Variants in EDA observed in about 807,000 individuals in gnomAD.
EDA encodes the protein ectodysplasin A, also known as ectodysplasin-A.
A neutral mutation model predicts 23.6 loss-of-function variants in EDA; 2 were observed. That is an observed-to-expected ratio of 0.08 (90% CI 0.03 to 0.27). The LOEUF is 0.27. Ranked by LOEUF, EDA falls within the 10% of genes least tolerant of loss-of-function variation. The probability of loss-of-function intolerance (pLI) is 1.00; values close to 1 mark genes in which losing one functional copy is unlikely to be tolerated. For missense variants in EDA, 229 were observed against 324.2 expected (o/e 0.71, Z 2.26); for synonymous variants, 131 against 132.0 (o/e 0.99, Z 0.05).
At chrX:70,028,978 A>G (rs967695984) in intron 4 of EDA, among the ~76,000 whole-genome samples, 3 of 112,437 alleles carry the variant, frequency 2.7e-5, no homozygotes, top group Non-Finnish European at 5.6e-5. Flanking sequence ...CAAGAGATGG[A>G]GTTAGAGATT....
chrX:69,781,112 T>A (rs1036856514), intron 1 of EDA, among the ~76,000 whole-genome samples: 1 of 111,999 alleles, frequency 8.9e-6, no homozygotes, highest in Admixed American at 9.5e-5. Flanking sequence ...GTCCATTGTA[T>A]GAAAATACAA....
intron 1 of EDA, among the ~76,000 whole-genome samples, chrX:69,712,067 G>A: frequency 9.0e-6 from 1 of 110,771 alleles, no homozygotes. Context: ...TGCTTCTCTA[G>A]TTCTTTTAAT....
intron 1 of EDA, among the ~76,000 whole-genome samples, chrX:69,755,050 C>T (rs1211820117): frequency 8.9e-6 from 1 of 112,282 alleles, no homozygotes; most frequent in Non-Finnish European, 1.9e-5. Context: ...CTGAAGCCTT[C>T]TTCTCTCAAC....
At chrX:69,796,243 T>G (rs1403994635) in intron 1 of EDA, among the ~76,000 whole-genome samples, 1 of 111,617 alleles carries the variant, frequency 9.0e-6, no homozygotes, top group Non-Finnish European at 1.9e-5. Flanking sequence ...TACCAACTAC[T>G]AACATCTGAG....
At chrX:69,660,143 AT>A in intron 1 of EDA, among the ~76,000 whole-genome samples, 1 of 111,095 alleles carries the variant, frequency 9.0e-6, no homozygotes, top group Non-Finnish European at 1.9e-5. Context: ...TTTGAAAAAC[AT>A]TTTAGTAAGT....
At chrX:69,889,448 C>A (rs1255929674) in intron 1 of EDA, among the ~76,000 whole-genome samples, 3 of 111,180 alleles carry the variant, frequency 2.7e-5, no homozygotes, top group Non-Finnish European at 3.8e-5. Flanking sequence ...CCACGCCTGG[C>A]CTTCTGGTTT....
intron 1 of EDA, among the ~76,000 whole-genome samples, chrX:69,891,859 G>T (rs933758574): frequency 9.0e-6 from 1 of 110,882 alleles, no homozygotes; most frequent in Non-Finnish European, 1.9e-5. Context: ...GCAAACCACC[G>T]TGGCACACGT....
intron 1 of EDA, among the ~76,000 whole-genome samples, chrX:69,810,089 G>A (rs936639699): frequency 9.6e-6 from 1 of 104,274 alleles, no homozygotes; most frequent in Non-Finnish European, 2.0e-5. Context: ...GTGAAATCCC[G>A]TCTCAACTAA....
intron 1 of EDA, among the ~76,000 whole-genome samples, chrX:69,719,582 A>G (rs1425950779): frequency 9.0e-6 from 1 of 111,056 alleles, no homozygotes; most frequent in Non-Finnish European, 1.9e-5. Context: ...ACTTCCACTT[A>G]TAAGTGAGAA....
At chrX:69,825,582 T>C (rs1195541405) in intron 1 of EDA, among the ~76,000 whole-genome samples, 1 of 112,327 alleles carries the variant, frequency 8.9e-6, no homozygotes, top group Admixed American at 9.4e-5. Flanking sequence ...ATTTGATTCT[T>C]CTCTCTTTTT....
intron 1 of EDA, among the ~76,000 whole-genome samples, chrX:69,782,183 T>A (rs1243459559): frequency 9.2e-6 from 1 of 109,142 alleles, no homozygotes; most frequent in Non-Finnish European, 1.9e-5. Flanking sequence ...AAAGCTGGTA[T>A]CAAGATCTTA....
chrX:69,684,046 C>A (rs932317548), intron 1 of EDA, among the ~76,000 whole-genome samples: 1 of 112,019 alleles, frequency 8.9e-6, no homozygotes, highest in Admixed American at 9.5e-5. Flanking sequence ...CACCTAAGAA[C>A]TCAGATGAAA....
chrX:69,703,965 G>A (rs2011615865), intron 1 of EDA, among the ~76,000 whole-genome samples: 1 of 112,163 alleles, frequency 8.9e-6, no homozygotes, highest in Non-Finnish European at 1.9e-5. Context: ...TGTATGTATA[G>A]ATAACAACAT....
intron 1 of EDA, among the ~76,000 whole-genome samples, chrX:69,919,590 A>G (rs1207063611): frequency 1.8e-5 from 2 of 111,790 alleles, no homozygotes; most frequent in Admixed American, 9.5e-5. Flanking sequence ...GTTAGTGCCG[A>G]TAAGTCAAAG....
At position 69,616,526 on chromosome X, in the gene EDA, G is replaced by C. The variant is rs756470714; in HGVS notation, c.218G>C (p.Gly73Ala). The change falls in exon 1 of 8, where the codon GGA becomes GCA. Residue 73 changes from glycine (G) to alanine (A), a missense_variant. By Grantham distance (60) the Gly-to-Ala change is moderately conservative. Transcript: ENST00000374552. ...CGCTCGGAGTTGCGGCGGGAACGTG[G>C]AGCCGAGTCCCGCCTTGGCGGCTCG... is the stretch of plus-strand genomic sequence containing the variant. ...ELRSELRRER[G>A]AESRLGGSGT... 62 of 1,210,088 alleles carry C rather than the reference G, an allele frequency of 5.1e-5. No homozygotes were observed. The highest frequency in any genetic ancestry group is 6.9e-5 in the Non-Finnish European group (62 of 894,974).
chrX:69,698,610 A>T (rs2011438241), intron 1 of EDA, among the ~76,000 whole-genome samples: 1 of 111,502 alleles, frequency 9.0e-6, no homozygotes, highest in Admixed American at 9.5e-5. Context: ...AGGGACTATA[A>T]AAAGAGGGTG....
chrX:69,786,593 G>A (rs1339681364), intron 1 of EDA, among the ~76,000 whole-genome samples: 5 of 110,354 alleles, frequency 4.5e-5, no homozygotes, highest in Non-Finnish European at 7.6e-5. Context: ...CCATGTAGTT[G>A]AGTAGTTTTG....
At chrX:69,648,643 C>G in intron 1 of EDA, among the ~76,000 whole-genome samples, 1 of 112,122 alleles carries the variant, frequency 8.9e-6, no homozygotes, top group Non-Finnish European at 1.9e-5. Context: ...AGCCTGTTGC[C>G]TTTGGCTGGC....
chrX:69,712,208 T>C (rs1391415324), intron 1 of EDA, among the ~76,000 whole-genome samples: 1 of 111,844 alleles, frequency 8.9e-6, no homozygotes, highest in Non-Finnish European at 1.9e-5. Context: ...TTGTTCTCGT[T>C]GGTTTCAAAG....
Sources: gnomAD v4.1 joint callset for allele counts (sites outside exome capture counted in the v4.1 genomes callset) on GRCh38, gnomAD v4.1.1 for gene constraint, MANE v1.5 for transcripts, NCBI Gene and HGNC (gene_info 2026-07-23, HGNC 2026-07-21) for gene names.